The following NLRP13 variants were observed in gnomAD, a reference collection of about 807,000 sequenced individuals.
NLRP13 encodes NLR family pyrin domain containing 13.
In NLRP13, 82 loss-of-function variants were observed where a neutral mutation model predicts 94.4. The observed-to-expected ratio is 0.87, with a 90% CI of 0.73 to 1.04. NLRP13 has a LOEUF of 1.04. NLRP13 is among the 50% of genes least tolerant of loss of function. The pLI is 0.00. For missense variants in NLRP13, 1,426 were observed against 1,230.8 expected, an observed-to-expected ratio of 1.16 and a Z score of -2.37; for synonymous variants, 553 against 464.7, an observed-to-expected ratio of 1.19 and a Z score of -2.45.
downstream of NLRP13, chr19:55,892,071 T>C (rs1257959854): frequency 4.9e-6 from 6 of 1,226,748 alleles, no homozygotes; most frequent in Non-Finnish European, 6.1e-6. Flanking sequence ...GAGCTCCTTC[T>C]GTGAGGTCTG....
At chr19:55,893,603 G>T (rs191476237), downstream of NLRP13, among the ~76,000 whole-genome samples, 368 of 152,150 alleles carry the variant, frequency 2.4e-3, 2 homozygotes, top group African/African-American at 8.4e-3. Context: ...TAGAGAAAAG[G>T]CACAACCACA....
intron 4 of NLRP13, among the ~76,000 whole-genome samples, chr19:55,913,778 G>C (rs1986608263): frequency 6.6e-6 from 1 of 151,864 alleles, no homozygotes; most frequent in African/African-American, 2.4e-5. Context: ...CGGGGGGAAG[G>C]CCAAGGTGAA....
intron 1 of NLRP13, among the ~76,000 whole-genome samples, chr19:55,929,005 T>C (rs1225780044): frequency 6.6e-6 from 1 of 152,186 alleles, no homozygotes; most frequent in Non-Finnish European, 1.5e-5. Context: ...AAGACATTTA[T>C]GCAGCCAACA....
chr19:55,925,035 T>C lies in NLRP13; in HGVS notation c.320A>G (p.Glu107Gly). The C allele has an allele frequency of 1.2e-6, 2 of 1,613,864 alleles. No individual in the cohort carries two copies. The highest frequency in any genetic ancestry group is 1.1e-5 in the South Asian group (1 of 91,062). The change falls in exon 2 of 11, where the codon GAG becomes GGG. Residue 107 changes from glutamate (E) to glycine (G), a missense_variant and splice_region_variant. Glu to Gly is a moderately conservative substitution (Grantham distance 98). Coordinates refer to ENST00000342929, the MANE Select transcript of NLRP13 (RefSeq NM_176810.2). The stretch of plus-strand genomic sequence containing the variant: ...TTGCAGCTCTTGGGTCTGCACATTC[T>C]CTGAAACAAACAGTGATGATGACAT... Reference protein sequence around the residue: ...LCEKVRAEMKENVQTQELQDP... With the variant: ...LCEKVRAEMKGNVQTQELQDP...
chr19:55,906,153 C>A (rs1791076284), intron 7 of NLRP13, among the ~76,000 whole-genome samples: 1 of 151,958 alleles, frequency 6.6e-6, no homozygotes, highest in Non-Finnish European at 1.5e-5. Context: ...GCCTGTCCAA[C>A]ATGGTGAAAC....
rs1228799732 is a variant in NLRP13 at position 55,911,740 on chromosome 19, T to G, written c.2077A>C (p.Ser693Arg). The G allele has an allele frequency of 1.2e-6, 2 of 1,610,456 alleles. No homozygotes were observed. The highest frequency in any genetic ancestry group is 1.7e-4 in the Middle Eastern group (1 of 6,060). ...RLNKLRLSVS[S>R]HILERDLEIL... ...TCCAAGTCCCTTTCAAGGATGTGAC[T>G]GCTAACAGAAAGCCTTAGCTTATTT... The change falls in exon 5 of 11, where the codon AGT becomes CGT. Residue 693 changes from serine to arginine, a missense_variant. Ser to Arg is a moderately radical substitution (Grantham distance 110). Transcript: ENST00000342929.
chr19:55,931,530 A>G (rs149428754), intron 1 of NLRP13, among the ~76,000 whole-genome samples: 1,892 of 151,278 alleles, frequency 0.013, 33 homozygotes, highest in African/African-American at 0.041. Flanking sequence ...AACACAGTGA[A>G]ACCCCGTCTC....
intron 4 of NLRP13, among the ~76,000 whole-genome samples, chr19:55,921,399 C>T (rs1986821996): frequency 6.6e-6 from 1 of 152,062 alleles, no homozygotes; most frequent in African/African-American, 2.4e-5. Flanking sequence ...TGACTATAAG[C>T]TTTAGATTAT....
At position 55,905,443 on chromosome 19, in the gene NLRP13, G is replaced by GTA. The variant is rs1217753593; in HGVS notation, c.2448-333_2448-332dup. The stretch of plus-strand genomic sequence containing the variant: ...CGTATATATACACACACATATATAT[G>GTA]TATATATATACATATATACACACAT... On this transcript the variant is annotated intron_variant, in intron 7 of 10. Coordinates refer to ENST00000342929, the MANE Select transcript of NLRP13 (RefSeq NM_176810.2). Among the ~76,000 whole-genome samples, 10 of 148,808 alleles carry GTA rather than the reference G, an allele frequency of 6.7e-5. No individual in the cohort carries two copies. The East Asian group carries it at 7.8e-4, about 12-fold the overall frequency.
chr19:55,912,985 C>T lies in NLRP13; in HGVS notation c.832G>A (p.Glu278Lys). Residue 278 changes from glutamate to lysine, a missense_variant, in exon 5 of 11, where the codon GAA (glutamate) becomes AAA (lysine). Coordinates refer to ENST00000342929, the MANE Select transcript of NLRP13 (RefSeq NM_176810.2). ...LSCHKIRYMK[E>K]TTFAELISLD... ...GAAATCAATTCAGCAAAGGTAGTTT[C>T]CTTCATGTACCTTATTTTATGGCAG... The T allele has an allele frequency of 6.2e-7, 1 of 1,614,096 alleles. No homozygotes were observed. Among genetic ancestry groups the T allele is most frequent in the Admixed American group, 1.7e-5 (1 of 60,026 alleles).
chr19:55,895,881 C>G (rs1985992981), downstream of NLRP13: 7 of 1,543,634 alleles, frequency 4.5e-6, no homozygotes, highest in Non-Finnish European at 6.2e-6. Flanking sequence ...GACACATGCT[C>G]TAGAAGCCTA....
intron 1 of NLRP13, among the ~76,000 whole-genome samples, chr19:55,930,898 A>ATACACGTATATATATACATATATATATAC: frequency 9.5e-6 from 1 of 104,896 alleles, no homozygotes; most frequent in Non-Finnish European, 1.9e-5. Context: ...ATATATATAT[A>ATACACGTATATATATACATATATATATAC]AAATTTTAAC....
intron 7 of NLRP13, among the ~76,000 whole-genome samples, chr19:55,906,774 T>C (rs1025182658): frequency 2.0e-5 from 3 of 151,908 alleles, no homozygotes; most frequent in African/African-American, 4.8e-5. Flanking sequence ...GCTCCATGAA[T>C]GAAAGCTGAC....
intron 7 of NLRP13, among the ~76,000 whole-genome samples, chr19:55,906,610 C>T (rs1024089565): frequency 1.8e-4 from 28 of 152,148 alleles, no homozygotes; most frequent in African/African-American, 6.3e-4. Context: ...CATTGTCTCC[C>T]AGGCTGAGGA....
chr19:55,898,200 G>GTTT lies in NLRP13; in HGVS notation c.2957+567_2957+569dup, dbSNP rs149121317. Among the ~76,000 whole-genome samples, 589 of 135,370 alleles carry GTTT rather than the reference G, an allele frequency of 4.4e-3. 7 individuals carry two copies. Among genetic ancestry groups the GTTT allele is most frequent in the Non-Finnish European group, 7.2e-3 (452 of 62,372 alleles). 88.8% of individuals were successfully genotyped at this position (135,370 alleles called of 152,430 possible). A position where few individuals can be genotyped will look rare whatever the true frequency, so the allele number is the denominator to read the frequency against. On this transcript the variant is annotated intron_variant, in intron 10 of 10. Transcript: ENST00000342929. ...CTTATCATCTAGCAGGAGAGTTTTT[G>GTTT]TTTTTGTTTTTGTTTTTTTTTTTTT...
intron 5 of NLRP13, 141 bp from the exon 6 acceptor site, chr19:55,910,874 C>A: frequency 1.5e-6 from 1 of 652,048 alleles, no homozygotes. Flanking sequence ...TGGCTCACGC[C>A]TGTAATCCCA....
intron 2 of NLRP13, 31 bp from the exon 3 acceptor site, chr19:55,924,689 A>G: frequency 6.3e-7 from 1 of 1,586,258 alleles, no homozygotes; most frequent in South Asian, 1.1e-5. Flanking sequence ...GAGATATGAA[A>G]ATACCCCAGA....
chr19:55,898,206 G>GTTTTTTTT (rs67273235), intron 10 of NLRP13, among the ~76,000 whole-genome samples: 3 of 20,066 alleles, frequency 1.5e-4, no homozygotes, highest in African/African-American at 3.9e-4. Flanking sequence ...TTTTGTTTTT[G>GTTTTTTTT]TTTTTGTTTT....
chr19:55,932,298 A>C lies in NLRP13; in HGVS notation c.14T>G (p.Val5Gly), dbSNP rs752429438. Residue 5 changes from valine to glycine, a missense_variant, in exon 1 of 11, where the codon GTA (valine) becomes GGA (glycine). Transcript: ENST00000342929. The stretch of plus-strand genomic sequence containing the variant: ...GGTACCACCGTTGGGGCAGGTGATT[A>C]CAGAAAAGTTCATCTTGCCCAACAC... Reference protein sequence around the residue: MNFSVITCPNGGTNQ... With the variant: MNFSGITCPNGGTNQ... The C allele has an allele frequency of 3.7e-6, 6 of 1,604,272 alleles. No homozygotes were observed. The highest frequency in any genetic ancestry group is 5.1e-6 in the Non-Finnish European group (6 of 1,177,686).
Sources: allele counts gnomAD v4.1 joint callset (sites outside exome capture counted in the v4.1 genomes callset), GRCh38; gene constraint gnomAD v4.1.1; transcripts MANE v1.5; gene names NCBI Gene and HGNC (gene_info 2026-07-23, HGNC 2026-07-21).